NUP93: variants seen among roughly 807,000 people sequenced by gnomAD.
NUP93 encodes the protein nucleoporin 93.
NUP93 carries 55 observed loss-of-function variants against 107.8 expected under a neutral mutation model. That is an observed-to-expected ratio of 0.51 (90% CI 0.41 to 0.64). The LOEUF is 0.64. Ranked by LOEUF, NUP93 falls within the 30% of genes least tolerant of loss-of-function variation. NUP93 has a pLI of 0.00. For missense variants in NUP93, 937 were observed against 1,044.7 expected (o/e 0.90, Z 1.42); for synonymous variants, 390 against 397.5 (o/e 0.98, Z 0.22).
At chr16:56,732,609 C>T (rs1169749968) in intron 1 of NUP93, among the ~76,000 whole-genome samples, 1 of 152,120 alleles carries the variant, frequency 6.6e-6, no homozygotes, top group Non-Finnish European at 1.5e-5. Flanking sequence ...TGTGGTGAGC[C>T]TGAGGGTCTG....
chr16:56,751,190 G>A (rs558939574), intron 2 of NUP93, among the ~76,000 whole-genome samples: 3 of 151,956 alleles, frequency 2.0e-5, no homozygotes, highest in South Asian at 2.1e-4. Context: ...TAAAGAAAAA[G>A]CCAGTAGTCA....
At chr16:56,810,529 G>A (rs1963290163) in intron 5 of NUP93, among the ~76,000 whole-genome samples, 2 of 152,162 alleles carry the variant, frequency 1.3e-5, no homozygotes, top group South Asian at 4.1e-4. Context: ...CTACTCAAGA[G>A]CCTCAGGTGG....
chr16:56,744,394 G>A (rs1256155968), intron 1 of NUP93, among the ~76,000 whole-genome samples: 2 of 152,168 alleles, frequency 1.3e-5, no homozygotes, highest in Non-Finnish European at 2.9e-5. Flanking sequence ...TATGAAATTA[G>A]CCATAAATTG....
intron 5 of NUP93, among the ~76,000 whole-genome samples, chr16:56,809,571 G>A (rs536196045): frequency 1.1e-4 from 16 of 152,038 alleles, no homozygotes; most frequent in African/African-American, 2.2e-4. Context: ...TTTGCACATC[G>A]AGATAAGAAA....
chr16:56,841,344 A>C (rs1290532989), intron 20 of NUP93, among the ~76,000 whole-genome samples: 1 of 143,534 alleles, frequency 7.0e-6, no homozygotes, highest in Non-Finnish European at 1.5e-5. Flanking sequence ...TAGCGTGTGC[A>C]CCTGTACCTC....
At chr16:56,755,853 C>T (rs1310832737) in intron 2 of NUP93, among the ~76,000 whole-genome samples, 1 of 152,082 alleles carries the variant, frequency 6.6e-6, no homozygotes, top group Non-Finnish European at 1.5e-5. Flanking sequence ...CCTTCCTGGG[C>T]AACAGAGCAA....
rs890200550 is a variant in NUP93 at position 56,849,496 on chromosome 16, C to T, written c.*4887C>T. 6.6e-6 allele frequency: 1 copy of T among 152,190 alleles called. No homozygotes were observed. Among genetic ancestry groups the T allele is most frequent in the Non-Finnish European group, 1.5e-5 (1 of 68,056 alleles). The allele number at this position is 152,190 out of a possible 1,614,324, so 9.4% of individuals were successfully genotyped here. A position where few individuals can be genotyped will look rare whatever the true frequency, so the allele number is the denominator to read the frequency against. ...TCTGTTTGAACAGGAAGTGGGGAGT[C>T]AGTGATCCCAGAGGGGACTTCAGCA... On this transcript the variant is annotated 3_prime_UTR_variant, in exon 22 of 22. Coordinates refer to ENST00000308159, the MANE Select transcript of NUP93 (RefSeq NM_014669.5).
At chr16:56,748,658 T>G (rs1961863804) in intron 2 of NUP93, among the ~76,000 whole-genome samples, 1 of 152,100 alleles carries the variant, frequency 6.6e-6, no homozygotes, top group Non-Finnish European at 1.5e-5. Context: ...CAGGGAGAGA[T>G]GATCACAAGG....
chr16:56,844,566 A>G lies in NUP93; in HGVS notation c.2417A>G (p.Asp806Gly). ...ATGATACCATACCGAACGTCTGGGG[A>G]CACCAATGCGAGGCTGGTGCAGATG... ...AGMIPYRTSG[D>G]TNARLVQMEV... The change falls in exon 22 of 22, where the codon GAC (aspartate) becomes GGC (glycine). Residue 806 changes from aspartate (D) to glycine (G), a missense_variant. Asp to Gly is a moderately conservative substitution (Grantham distance 94). Coordinates refer to ENST00000308159, the MANE Select transcript of NUP93 (RefSeq NM_014669.5). 6.3e-7 allele frequency: 1 copy of G among 1,587,806 alleles called. No individual in the cohort carries two copies. Among genetic ancestry groups the G allele is most frequent in the Non-Finnish European group, 8.6e-7 (1 of 1,167,384 alleles).
chr16:56,817,356 C>A (rs1963454894), intron 5 of NUP93, among the ~76,000 whole-genome samples: 1 of 152,164 alleles, frequency 6.6e-6, no homozygotes, highest in South Asian at 2.1e-4. Context: ...CTCCCCCTCT[C>A]CTGGTGCATG....
At position 56,841,578 on chromosome 16, in the gene NUP93, C is replaced by T. The variant is rs1964025686; in HGVS notation, c.2221-127C>T. ...CAGCTCCTTTTGGGTGACTGTGTGG[C>T]TCTCCACCTGGCAATGGTGAGGAGT... On this transcript the variant is annotated intron_variant, in intron 20 of 21. Coordinates refer to ENST00000308159, the MANE Select transcript of NUP93 (RefSeq NM_014669.5). 3.4e-6 allele frequency: 4 copies of T among 1,176,174 alleles called. 1 individual carries two copies. Among genetic ancestry groups the T allele is most frequent in the Admixed American group, 4.7e-5 (2 of 42,944 alleles). 72.9% of individuals were successfully genotyped at this position (1,176,174 alleles called of 1,614,324 possible).
At chr16:56,733,368 C>T (rs141853652) in intron 1 of NUP93, among the ~76,000 whole-genome samples, 108 of 152,130 alleles carry the variant, frequency 7.1e-4, no homozygotes, top group African/African-American at 2.4e-3. Context: ...GCTTAGTCGG[C>T]GTGCAAGTCA....
intron 3 of NUP93, among the ~76,000 whole-genome samples, chr16:56,763,663 C>T (rs1424791149): frequency 1.3e-5 from 2 of 152,148 alleles, no homozygotes; most frequent in Non-Finnish European, 2.9e-5. Flanking sequence ...TAGATATCAC[C>T]TCTTCCACAG....
Position 56,844,861 on chromosome 16 carries a change from G to T in NUP93, c.*252G>T, listed in dbSNP as rs147076760. On this transcript the variant is annotated 3_prime_UTR_variant, in exon 22 of 22. Coordinates refer to ENST00000308159, the MANE Select transcript of NUP93 (RefSeq NM_014669.5). ...ATGGGAAATACCGTCACTAGCTCTT[G>T]GGCCAGGGAATGAGAGGCTATGTAG... 6.9e-3 allele frequency: 2,765 copies of T among 400,796 alleles called. 14 individuals are homozygous for T. Among genetic ancestry groups the T allele is most frequent in the Non-Finnish European group, 1.0e-2 (2,274 of 228,374 alleles). The allele number at this position is 400,796 out of a possible 1,614,324, so 24.8% of individuals were successfully genotyped here.
At position 56,748,371 on chromosome 16, in the gene NUP93, C is replaced by T. The variant is rs770006120; in HGVS notation, c.124C>T (p.Arg42Cys). 5 of 1,613,860 alleles carry T rather than the reference C, an allele frequency of 3.1e-6. No homozygotes were observed. The highest frequency in any genetic ancestry group is 1.1e-5 in the South Asian group (1 of 91,078). ...ACAGGAGATCCAGCAGGCGGGAGAGCGCCTGCGTTCCCGTACCCTAACACG... is the reference window on the plus strand; with the variant it reads ...ACAGGAGATCCAGCAGGCGGGAGAGTGCCTGCGTTCCCGTACCCTAACACG... ...NLQEIQQAGE[R>C]LRSRTLTRTS... is the part of the protein sequence containing the mutation. The change falls in exon 2 of 22, where the codon CGC (arginine) becomes TGC (cysteine). Residue 42 changes from arginine to cysteine, a missense_variant. Coordinates refer to ENST00000308159, the MANE Select transcript of NUP93 (RefSeq NM_014669.5).
rs1194416534 is a variant in NUP93, at chr16:56,845,001, A to G, written c.*392A>G. 3.6e-6 allele frequency: 1 copy of G among 277,926 alleles called. No homozygotes were observed. The highest frequency in any genetic ancestry group is 6.7e-6 in the Non-Finnish European group (1 of 149,778). The allele number at this position is 277,926 out of a possible 1,614,324, so 17.2% of individuals were successfully genotyped here. A position where few individuals can be genotyped will look rare whatever the true frequency, so the allele number is the denominator to read the frequency against. On this transcript the variant is annotated 3_prime_UTR_variant, in exon 22 of 22. Transcript: ENST00000308159. The stretch of plus-strand genomic sequence containing the variant: ...TTAGATATAATATTCCATATAGCAG[A>G]GTCACGATTCATTTTCACATTTTTA...
intron 3 of NUP93, among the ~76,000 whole-genome samples, chr16:56,762,223 C>A (rs900853184): frequency 4.6e-5 from 7 of 152,078 alleles, no homozygotes; most frequent in African/African-American, 1.4e-4. Context: ...TCTGAACAGA[C>A]CTAATGTGTC....
chr16:56,801,112 C>G (rs962749003), intron 4 of NUP93, among the ~76,000 whole-genome samples: 2 of 152,052 alleles, frequency 1.3e-5, no homozygotes, highest in Admixed American at 1.3e-4. Context: ...TTTTTCTTGT[C>G]TATTGAGTTT....
intron 3 of NUP93, among the ~76,000 whole-genome samples, chr16:56,780,957 T>C (rs1180417455): frequency 2.0e-5 from 3 of 152,194 alleles, no homozygotes; most frequent in African/African-American, 7.2e-5. Flanking sequence ...TCACAAGCTT[T>C]CCTATAATTG....
Sources: allele counts gnomAD v4.1 joint callset (sites outside exome capture counted in the v4.1 genomes callset), GRCh38; gene constraint gnomAD v4.1.1; transcripts MANE v1.5; gene names NCBI Gene and HGNC (gene_info 2026-07-23, HGNC 2026-07-21).